TUBGCP3: variants seen among roughly 807,000 people sequenced by gnomAD.
TUBGCP3 encodes the protein gamma-tubulin complex component 3.
Under a neutral mutation model 123.1 loss-of-function variants are expected in TUBGCP3, and 50 were observed. The ratio of observed to expected loss-of-function variants is 0.41; its 90% CI spans 0.32 to 0.51. The LOEUF (loss-of-function observed/expected upper bound fraction) is 0.51, where lower values mean the gene tolerates loss of function less well. TUBGCP3 is among the 20% of genes least tolerant of loss of function. TUBGCP3 has a pLI of 0.36. For synonymous variants in TUBGCP3, 405 were observed against 413.9 expected, an observed-to-expected ratio of 0.98 and a Z score of 0.26; for missense variants, 882 against 1,127.0, an observed-to-expected ratio of 0.78 and a Z score of 3.11.
At chr13:112,594,443 C>T in the TUBGCP3 span, among the ~76,000 whole-genome samples, 264 of 152,276 alleles carry the variant, frequency 1.7e-3, 1 homozygote, top group African/African-American at 5.8e-3. Context: ...AAACTCCCAA[C>T]CTAAGACTAC....
At position 112,571,706 on chromosome 13, in the gene TUBGCP3, T is replaced by C. The variant is rs1487973956; in HGVS notation, c.77-2447A>G. ...CCAATAAGATGGCATCTTATTCCAA[T>C]AGAAGGGTGTTTCACTTACACTGAA... On this transcript the variant is annotated intron_variant, in intron 1 of 21. Transcript: ENST00000261965. Among the ~76,000 whole-genome samples, 8 of 152,250 alleles carry C rather than the reference T, an allele frequency of 5.3e-5. 1 individual carries two copies. Among genetic ancestry groups the C allele is most frequent in the Admixed American group, 3.3e-4 (5 of 15,292 alleles).
rs1342946738 is a variant in TUBGCP3, at chr13:112,519,999, T to C, written c.1768A>G (p.Thr590Ala). Residue 590 changes from threonine (T) to alanine (A), a missense_variant, in exon 15 of 22, where the codon ACG becomes GCG. Around this residue, in one of 3 missense-constraint regions of TUBGCP3, gnomAD observed 713 missense variants for 874.0 expected, o/e 0.82. Coordinates refer to ENST00000261965, the MANE Select transcript of TUBGCP3 (RefSeq NM_006322.6). This position sits in a 1 kb window ranked among gnomAD's most constrained non-coding sequence, Gnocchi z 6.2. ...GTCAAGTTATGCTGATACAAAGTCG[T>C]AGCTGGACGGACAAGTTCTGGTCTT... ...LLKPELVRPA[T>A]TLYQHNLTGI... 1 of 1,613,998 alleles carries C rather than the reference T, an allele frequency of 6.2e-7. No homozygotes were observed. Among genetic ancestry groups the C allele is most frequent in the South Asian group, 1.1e-5 (1 of 91,064 alleles).
chr13:112,604,919 T>C, the TUBGCP3 span: 2 of 152,380 alleles, frequency 1.3e-5, no homozygotes, highest in Non-Finnish European at 2.9e-5. Context: ...CTGCTCTTTA[T>C]GGGATTAATT....
At position 112,485,822 on chromosome 13, in the gene TUBGCP3, T is replaced by C. The variant is rs950064717; in HGVS notation, c.*171A>G. On this transcript the variant is annotated 3_prime_UTR_variant, in exon 22 of 22. Transcript: ENST00000261965. ...TTTACAAATGCATTCGACTCCGACA[T>C]GTGAAACACGACGTGGCTTCTCCCA... 11 of 721,776 alleles carry C rather than the reference T, an allele frequency of 1.5e-5. No homozygotes were observed. Among genetic ancestry groups the C allele is most frequent in the African/African-American group, 3.6e-5 (2 of 55,828 alleles). 44.7% of individuals were successfully genotyped at this position (721,776 alleles called of 1,614,324 possible). A position where few individuals can be genotyped will look rare whatever the true frequency, so the allele number is the denominator to read the frequency against.
rs754366766 is a variant in TUBGCP3, at chr13:112,489,719, A to C, written c.2449-22T>G. On this transcript the variant is annotated intron_variant, in intron 20 of 21. Transcript: ENST00000261965. Reference sequence around the variant, plus strand: ...GGCCCTGAACAATCAAAAGTACCAAATGTCAGTAAAATCACGATGGAAAAC... The same window carrying C: ...GGCCCTGAACAATCAAAAGTACCAACTGTCAGTAAAATCACGATGGAAAAC... The C allele has an allele frequency of 2.5e-6, 4 of 1,584,662 alleles. No homozygotes were observed. Among genetic ancestry groups the C allele is most frequent in the Non-Finnish European group, 3.5e-6 (4 of 1,153,044 alleles).
intron 18 of TUBGCP3, 71 bp from the exon 19 acceptor site, chr13:112,504,234 T>C: frequency 6.3e-6 from 10 of 1,595,754 alleles, no homozygotes; most frequent in South Asian, 1.1e-5. Flanking sequence ...TCATAAAATA[T>C]ATACCACCTA....
the TUBGCP3 span, among the ~76,000 whole-genome samples, chr13:112,594,903 G>A: frequency 1.3e-5 from 2 of 152,136 alleles, no homozygotes; most frequent in Non-Finnish European, 1.5e-5. Flanking sequence ...TTCTAGTGGG[G>A]GTAAGAGAAG....
At chr13:112,503,691 C>T (rs1881088025) in intron 19 of TUBGCP3, among the ~76,000 whole-genome samples, 2 of 152,120 alleles carry the variant, frequency 1.3e-5, no homozygotes, top group African/African-American at 4.8e-5. Context: ...TATCGTGTTG[C>T]TTATTTTGCT....
intron 17 of TUBGCP3, among the ~76,000 whole-genome samples, chr13:112,512,490 G>C (rs1207971882): frequency 1.3e-5 from 2 of 149,024 alleles, no homozygotes; most frequent in African/African-American, 2.5e-5. Flanking sequence ...TCCCAGCACT[G>C]GGGGAGGCCA....
At chr13:112,562,169 C>T (rs112727967) in intron 3 of TUBGCP3, among the ~76,000 whole-genome samples, 1 of 151,764 alleles carries the variant, frequency 6.6e-6, no homozygotes, top group African/African-American at 2.4e-5. Context: ...CTAGGGAACA[C>T]CACCAGCCAG....
At chr13:112,541,748 A>G (rs1467650132) in intron 11 of TUBGCP3, among the ~76,000 whole-genome samples, 1 of 152,230 alleles carries the variant, frequency 6.6e-6, no homozygotes, top group East Asian at 1.9e-4. Context: ...TTAGCAATAT[A>G]TATCCTAATA....
At chr13:112,491,180 T>C (rs374960158) in intron 20 of TUBGCP3, among the ~76,000 whole-genome samples, 2 of 152,262 alleles carry the variant, frequency 1.3e-5, no homozygotes, top group African/African-American at 2.4e-5. Context: ...TTATGTCCTT[T>C]GGCTTTTTCT....
At chr13:112,544,180 GCA>G (rs1878762862) in intron 11 of TUBGCP3, among the ~76,000 whole-genome samples, 1 of 152,026 alleles carries the variant, frequency 6.6e-6, no homozygotes, top group African/African-American at 2.4e-5. Context: ...CAGGCCGGGC[GCA>G]GTGGCTCACG....
chr13:112,563,829 T>C (rs1880726578), intron 3 of TUBGCP3, among the ~76,000 whole-genome samples: 1 of 151,342 alleles, frequency 6.6e-6, no homozygotes, highest in African/African-American at 2.4e-5. Context: ...GAGCCCAGAT[T>C]GCGCCACTGC....
At chr13:112,581,298 C>A (rs548361194) in intron 1 of TUBGCP3, among the ~76,000 whole-genome samples, 1 of 151,884 alleles carries the variant, frequency 6.6e-6, no homozygotes, top group East Asian at 1.9e-4. Context: ...AAAATGAAAT[C>A]TAAAATGTTT....
At chr13:112,504,257 G>A (rs1465153532) in intron 18 of TUBGCP3, 94 bp from the exon 19 acceptor site, 9 of 1,500,198 alleles carry the variant, frequency 6.0e-6, no homozygotes, top group Middle Eastern at 2.2e-4. Flanking sequence ...GGAGGCCGAG[G>A]CGGGCAGATC....
At chr13:112,554,761 G>C (rs557998219) in intron 7 of TUBGCP3, 126 bp downstream of exon 7, 4 of 642,078 alleles carry the variant, frequency 6.2e-6, no homozygotes, top group African/African-American at 5.5e-5. Context: ...ATTCCACAGT[G>C]CAATTTCACC....
chr13:112,547,724 T>C lies in TUBGCP3; in HGVS notation c.1064A>G (p.Asn355Ser). 6.5e-7 allele frequency: 1 copy of C among 1,527,580 alleles called. No individual in the cohort carries two copies. The highest frequency in any genetic ancestry group is 8.8e-7 in the Non-Finnish European group (1 of 1,135,546). The allele number at this position is 1,527,580 out of a possible 1,614,324, so 94.6% of individuals were successfully genotyped here. Reference protein sequence around the residue: ...QLQLEDDQGVNLGLESSLTLR... With the variant: ...QLQLEDDQGVSLGLESSLTLR... ...TGTTAAACTACTCTCAAGTCCCAAA[T>C]TCACACCCTGGTCATCCTCTAGTTG... is the stretch of plus-strand genomic sequence containing the variant. The change falls in exon 10 of 22, where the codon AAT becomes AGT. Residue 355 changes from asparagine to serine, a missense_variant. Asn to Ser is a conservative substitution (Grantham distance 46). Coordinates refer to ENST00000261965, the MANE Select transcript of TUBGCP3 (RefSeq NM_006322.6).
chr13:112,514,612 A>G (rs1875921654), intron 17 of TUBGCP3, among the ~76,000 whole-genome samples: 1 of 152,260 alleles, frequency 6.6e-6, no homozygotes, highest in Admixed American at 6.5e-5. Flanking sequence ...AGCCAATGTT[A>G]ACAAAAACAG....
Sources: allele counts gnomAD v4.1 joint callset (sites outside exome capture counted in the v4.1 genomes callset), GRCh38; gene constraint gnomAD v4.1.1; regional missense constraint gnomAD v4.1.1; non-coding constraint Gnocchi (gnomAD v3.1); transcripts MANE v1.5; gene names NCBI Gene and HGNC (gene_info 2026-07-23, HGNC 2026-07-21).